NIN: variants seen among roughly 807,000 people sequenced by gnomAD.
NIN encodes the protein glycogen synthase kinase 3 beta-interacting protein.
A neutral mutation model predicts 257.6 loss-of-function variants in NIN; 137 were observed. The observed-to-expected ratio is 0.53, with a 90% CI of 0.46 to 0.61. NIN has a LOEUF of 0.61. Among genes scored for constraint, NIN ranks in the 20% least tolerant of loss-of-function variants. The pLI is 0.00. For missense variants in NIN, 2,439 were observed against 2,501.2 expected (o/e 0.98, Z 0.53); for synonymous variants, 918 against 919.8 (o/e 1.00, Z 0.04).
At chr14:50,778,128 C>G (rs1181227891) in intron 6 of NIN, among the ~76,000 whole-genome samples, 2 of 152,206 alleles carry the variant, frequency 1.3e-5, no homozygotes, top group African/African-American at 4.8e-5. Context: ...TTCTTAAATA[C>G]ATTTGAAACT....
rs2140860521 is a variant in NIN at position 50,760,055 on chromosome 14, G to A, written c.2201C>T (p.Ala734Val). The change falls in exon 17 of 31, where the codon GCT becomes GTT. Residue 734 changes from alanine (A) to valine (V), a missense_variant. By Grantham distance (64) the Ala-to-Val change is moderately conservative. Coordinates refer to ENST00000530997, the MANE Select transcript of NIN (RefSeq NM_020921.4). ...EMELKARLTQ[A>V]QASFEREREG... Reference sequence around the variant, plus strand: ...CCTCTCCCGCTCAAAGCTTGCTTGAGCCTGTGTCAGTCTAGCCTTGAGCTC... The same window carrying A: ...CCTCTCCCGCTCAAAGCTTGCTTGAACCTGTGTCAGTCTAGCCTTGAGCTC... 1.2e-6 allele frequency: 2 copies of A among 1,614,164 alleles called. No homozygotes were observed. The highest frequency in any genetic ancestry group is 1.7e-6 in the Non-Finnish European group (2 of 1,180,024).
intron 25 of NIN, among the ~76,000 whole-genome samples, chr14:50,740,456 C>T (rs999293555): frequency 3.9e-5 from 6 of 152,036 alleles, no homozygotes; most frequent in African/African-American, 1.5e-4. Context: ...TCAAGCGATT[C>T]TCCTGCCTTA....
chr14:50,738,389 T>A, intron 26 of NIN, 103 bp from the exon 27 acceptor site: 3 of 942,452 alleles, frequency 3.2e-6, no homozygotes, highest in Non-Finnish European at 4.8e-6. Flanking sequence ...GGGTCCTGTT[T>A]AACATCCTTT....
In NIN at chr14:50,726,042, C is replaced by A; in HGVS notation, c.6103G>T (p.Val2035Phe). ...PQGNQEQLVTVMEERMIEVEQ... is the reference protein window; with the variant it reads ...PQGNQEQLVTFMEERMIEVEQ... Reference sequence around the variant, plus strand: ...ACTTCTATCATTCGTTCCTCCATGACAGTTACCAGTTGTTCCTGGTTTCCC... The same window carrying A: ...ACTTCTATCATTCGTTCCTCCATGAAAGTTACCAGTTGTTCCTGGTTTCCC... Residue 2035 changes from valine to phenylalanine, a missense_variant, in exon 30 of 31, where the codon GTC (valine) becomes TTC (phenylalanine). Physicochemically the swap from Val to Phe is conservative, Grantham distance 50 (BLOSUM62 -1). Coordinates refer to ENST00000530997, the MANE Select transcript of NIN (RefSeq NM_020921.4). 6.2e-7 allele frequency: 1 copy of A among 1,613,648 alleles called. No individual in the cohort carries two copies. Among genetic ancestry groups the A allele is most frequent in the Middle Eastern group, 1.7e-4 (1 of 6,056 alleles).
chr14:50,760,430 G>C (rs1014388228), intron 16 of NIN, 71 bp from the exon 17 acceptor site: 11 of 754,054 alleles, frequency 1.5e-5, no homozygotes, highest in Non-Finnish European at 2.1e-5. Flanking sequence ...TGATGGAGCA[G>C]CAATTGCTTT....
chr14:50,766,337 C>T lies in NIN; in HGVS notation c.1605G>A (p.Gln535=). The change falls in exon 14 of 31, where the codon CAG becomes CAA. Residue 535 remains glutamine, a synonymous_variant. Coordinates refer to ENST00000530997, the MANE Select transcript of NIN (RefSeq NM_020921.4). ...ACTGCCGCTCATATTCATTTCTCAT[C>T]TGTGTCAGTCTCTCTTCTTGCAGGA... The part of the protein sequence containing the change: ...EFFLQEERLT[Q]MRNEYERQCR... The T allele has an allele frequency of 6.2e-7, 1 of 1,614,132 alleles. No homozygotes were observed. Among genetic ancestry groups the T allele is most frequent in the Middle Eastern group, 1.7e-4 (1 of 6,060 alleles).
In NIN at chr14:50,722,644, CTT is replaced by C. The variant is rs374744725; in HGVS notation, c.*817_*818del. On this transcript the variant is annotated 3_prime_UTR_variant, in exon 31 of 31. Coordinates refer to ENST00000530997, the MANE Select transcript of NIN (RefSeq NM_020921.4). ...AAACCTACATGGTCTGCTTATCCCT[CTT>C]TTCTAAGAGTAGCTATTTACTCCAA... 6.0e-5 allele frequency: 13 copies of C among 215,852 alleles called. No homozygotes were observed. The highest frequency in any genetic ancestry group is 2.7e-4 in the African/African-American group (12 of 44,536). The allele number at this position is 215,852 out of a possible 1,614,324, so 13.4% of individuals were successfully genotyped here.
At chr14:50,730,415 T>A (rs1324110077) in intron 28 of NIN, among the ~76,000 whole-genome samples, 3 of 152,120 alleles carry the variant, frequency 2.0e-5, no homozygotes, top group African/African-American at 4.8e-5. Flanking sequence ...GCACAGCATT[T>A]TGGGCAGTGA....
intron 5 of NIN, among the ~76,000 whole-genome samples, chr14:50,785,137 C>T (rs1329847374): frequency 6.6e-6 from 1 of 152,276 alleles, no homozygotes; most frequent in South Asian, 2.1e-4. Context: ...GTGCCCTGCA[C>T]ACAGCGGCTG....
rs200345108 is a variant in NIN, at chr14:50,766,359, A to T, written c.1583T>A (p.Leu528Gln). ...DLDPSSAEFFLQEERLTQMRN... is the reference protein window; with the variant it reads ...DLDPSSAEFFQQEERLTQMRN... Reference sequence around the variant, plus strand: ...CATCTGTGTCAGTCTCTCTTCTTGCAGGAAGAACTCAGCACTGCTAGGATC... The same window carrying T: ...CATCTGTGTCAGTCTCTCTTCTTGCTGGAAGAACTCAGCACTGCTAGGATC... The change falls in exon 14 of 31, where the codon CTG (leucine) becomes CAG (glutamine). Residue 528 changes from leucine (L) to glutamine (Q), a missense_variant. Physicochemically the swap from Leu to Gln is moderately radical, Grantham distance 113. Around this residue, in one of 3 missense-constraint regions of NIN, gnomAD observed 2,043 missense variants for 2,050.2 expected, o/e 1.00. Coordinates refer to ENST00000530997, the MANE Select transcript of NIN (RefSeq NM_020921.4). 2.4e-5 allele frequency: 38 copies of T among 1,614,134 alleles called. No individual in the cohort carries two copies. The highest frequency in any genetic ancestry group is 3.3e-5 in the Admixed American group (2 of 60,026).
chr14:50,757,337 T>G lies in NIN; in HGVS notation c.3693A>C (p.Leu1231=). The G allele has an allele frequency of 6.2e-7, 1 of 1,613,868 alleles. No individual in the cohort carries two copies. Among genetic ancestry groups the G allele is most frequent in the East Asian group, 2.2e-5 (1 of 44,886 alleles). ...TCTCAAGCATCTTCAGTTTCTTTTT[T>G]AGCACAGAAACATCAAAAAGTAGGT... ...KQDLLFDVSV[L]KKKLKMLERI... is the part of the protein sequence containing the mutation. Residue 1231 remains leucine, a synonymous_variant, in exon 18 of 31, where the codon CTA becomes CTC. Coordinates refer to ENST00000530997, the MANE Select transcript of NIN (RefSeq NM_020921.4).
intron 22 of NIN, among the ~76,000 whole-genome samples, chr14:50,746,674 GAAC>G (rs2041557135): frequency 6.6e-6 from 1 of 152,168 alleles, no homozygotes; most frequent in Non-Finnish European, 1.5e-5. Context: ...AAATAAAATG[GAAC>G]AACTAAATTT....
chr14:50,741,226 T>C (rs571502553), intron 25 of NIN, among the ~76,000 whole-genome samples: 2 of 152,200 alleles, frequency 1.3e-5, no homozygotes, highest in Non-Finnish European at 2.9e-5. Flanking sequence ...GTTTTGTTAT[T>C]ACAAAACTCA....
chr14:50,830,348 C>T, intron 2 of NIN, 116 bp downstream of exon 2: 1 of 164,118 alleles, frequency 6.1e-6, no homozygotes. Context: ...CTCCCAAGTC[C>T]CTGGCCACCT....
intron 3 of NIN, among the ~76,000 whole-genome samples, chr14:50,816,038 T>C (rs1595930302): frequency 6.6e-6 from 1 of 152,090 alleles, no homozygotes; most frequent in African/African-American, 2.4e-5. Flanking sequence ...CAAAATCATG[T>C]CCTTTGCAAG....
chr14:50,807,673 T>C (rs1014405384), intron 3 of NIN, among the ~76,000 whole-genome samples: 1 of 152,240 alleles, frequency 6.6e-6, no homozygotes, highest in African/African-American at 2.4e-5. Flanking sequence ...TCTGTTTGGA[T>C]GTCATTACAA....
chr14:50,794,087 G>A (rs1025890282), intron 4 of NIN, among the ~76,000 whole-genome samples: 3 of 152,132 alleles, frequency 2.0e-5, no homozygotes, highest in African/African-American at 4.8e-5. Flanking sequence ...CTAAAAGAAC[G>A]ACCGTTCCTT....
intron 5 of NIN, among the ~76,000 whole-genome samples, chr14:50,785,777 C>A (rs1023840934): frequency 6.6e-6 from 1 of 152,182 alleles, no homozygotes; most frequent in Admixed American, 6.5e-5. Context: ...AAGCTGAGTG[C>A]GCCCGGCAGG....
rs1012373884 is a variant in NIN at position 50,723,334 on chromosome 14, T to C, written c.*129A>G. On this transcript the variant is annotated 3_prime_UTR_variant, in exon 31 of 31. Transcript: ENST00000530997. ...TAAGGGTCTATTTAGAAAAACTAAT[T>C]ATGATAAATGGAAACTCCAGTTGTG... 4 of 691,632 alleles carry C rather than the reference T, an allele frequency of 5.8e-6. No individual in the cohort carries two copies. The highest frequency in any genetic ancestry group is 7.2e-6 in the Non-Finnish European group (3 of 416,804). 42.8% of individuals were successfully genotyped at this position (691,632 alleles called of 1,614,324 possible).
Sources: allele counts gnomAD v4.1 joint callset (sites outside exome capture counted in the v4.1 genomes callset), GRCh38; gene constraint gnomAD v4.1.1; regional missense constraint gnomAD v4.1.1; transcripts MANE v1.5; gene names NCBI Gene and HGNC (gene_info 2026-07-23, HGNC 2026-07-21).